Variants in NUDT17 observed in about 807,000 individuals in gnomAD.
NUDT17 encodes the protein nudix hydrolase 17, also known as m7GpppN-mRNA hydrolase NUDT17.
A neutral mutation model predicts 38.6 loss-of-function variants in NUDT17; 38 were observed. That is an observed-to-expected ratio of 0.98 (90% confidence interval 0.76 to 1.29). NUDT17 has a LOEUF of 1.29. Ranked by LOEUF, NUDT17 falls within the 50% of genes most tolerant of loss-of-function variation. The pLI is 0.00. For synonymous variants in NUDT17, 192 were observed against 167.8 expected, an observed-to-expected ratio of 1.14 and a Z score of -1.11; for missense variants, 462 against 415.2, an observed-to-expected ratio of 1.11 and a Z score of -0.98.
rs1345661004 is a variant in NUDT17, at chr1:145,847,702, C to G, written c.714C>G (p.Asp238Glu). 3.7e-6 allele frequency: 6 copies of G among 1,614,036 alleles called. No individual in the cohort carries two copies. The highest frequency in any genetic ancestry group is 1.3e-5 in the African/African-American group (1 of 74,910). The change falls in exon 6 of 8, where the codon GAC becomes GAG. Residue 238 changes from aspartate (D) to glutamate (E), a missense_variant. Coordinates refer to ENST00000334513, the MANE Select transcript of NUDT17 (RefSeq NM_001012758.3). Reference protein sequence around the residue: ...GTETPGLLPQDLPPSVLAVEL... With the variant: ...GTETPGLLPQELPPSVLAVEL... Reference sequence around the variant, plus strand: ...AGACACCCGGACTTCTCCCCCAGGACCTACCACCCTCTGTCCTGTAAGTAA... The same window carrying G: ...AGACACCCGGACTTCTCCCCCAGGAGCTACCACCCTCTGTCCTGTAAGTAA...
Position 145,848,138 on chromosome 1 carries a change from G to A in NUDT17, c.758G>A (p.Arg253Lys). ...VLAVELEEDG[R>K]ARPLVLHMST... is the part of the protein sequence containing the mutation. Reference sequence around the variant, plus strand: ...GCAGTGGAACTAGAGGAGGATGGAAGAGCCCGACCTCTGGTCCTGCACATG... The same window carrying A: ...GCAGTGGAACTAGAGGAGGATGGAAAAGCCCGACCTCTGGTCCTGCACATG... The change falls in exon 7 of 8, where the codon AGA becomes AAA. Residue 253 changes from arginine to lysine, a missense_variant. Arg to Lys is a conservative substitution (Grantham distance 26). Transcript: ENST00000334513. 1 of 1,613,914 alleles carries A rather than the reference G, an allele frequency of 6.2e-7. No homozygotes were observed.
chr1:145,847,194 T>TAAAA, intron 4 of NUDT17, 56 bp from the exon 5 acceptor site: 30 of 924,586 alleles, frequency 3.2e-5, no homozygotes, highest in Admixed American at 8.0e-5. Context: ...AACTCCATCT[T>TAAAA]AAAAAAAAAA....
In NUDT17 at chr1:145,846,073, C is replaced by G; in HGVS notation, c.253C>G (p.Leu85Val). Residue 85 changes from leucine (L) to valine (V), a missense_variant, in exon 2 of 8, where the codon CTG becomes GTG. Physicochemically the swap from Leu to Val is conservative, Grantham distance 32. Coordinates refer to ENST00000334513, the MANE Select transcript of NUDT17 (RefSeq NM_001012758.3). Reference sequence around the variant, plus strand: ...GCGGCCCAGGGTCCCTGGGGCTGAGCTGCCCACAGATCGAGGTGTGGACCT... The same window carrying G: ...GCGGCCCAGGGTCCCTGGGGCTGAGGTGCCCACAGATCGAGGTGTGGACCT... ...EERPRVPGAE[L>V]PTDRGVDLGV... The G allele has an allele frequency of 6.2e-7, 1 of 1,605,494 alleles. No homozygotes were observed. Among genetic ancestry groups the G allele is most frequent in the South Asian group, 1.1e-5 (1 of 89,338 alleles).
rs782322102 is a variant in NUDT17, at chr1:145,847,634, C to A, written c.646C>A (p.Pro216Thr). The change falls in exon 6 of 8, where the codon CCA (proline) becomes ACA (threonine). Residue 216 changes from proline to threonine, a missense_variant. Pro to Thr is a conservative substitution (Grantham distance 38). Transcript: ENST00000334513. ...GGTGAGCGCCCTTATGTGGCTGACA[C>A]CAGATGTAGCTGCTGCAGTGGCTGC... ...NEVSALMWLT[P>T]DVAAAVAAAE... The A allele has an allele frequency of 1.7e-5, 27 of 1,613,992 alleles. No homozygotes were observed. In the East Asian group the frequency reaches 6.0e-4, roughly 36 times the overall value.
rs1341979312 is a variant in NUDT17, at chr1:145,848,233, G to T, written c.853G>T (p.Ala285Ser). 2 of 1,614,080 alleles carry T rather than the reference G, an allele frequency of 1.2e-6. No homozygotes were observed. Among genetic ancestry groups the T allele is most frequent in the African/African-American group, 2.7e-5 (2 of 74,914 alleles). ...GAGAGTCAGCACTGGAACCAAGTTT[G>T]CCCTCAAGCTCTGGCTGCAACATCT... ...KERVSTGTKF[A>S]LKLWLQHLGR... Residue 285 changes from alanine to serine, a missense_variant, in exon 7 of 8, where the codon GCC (alanine) becomes TCC (serine). Transcript: ENST00000334513.
intron 5 of NUDT17, 24 bp from the exon 6 acceptor site, chr1:145,847,559 A>G: frequency 6.2e-7 from 1 of 1,611,182 alleles, no homozygotes; most frequent in Non-Finnish European, 8.5e-7. Context: ...GCAATGACTG[A>G]GGGGTCACCA....
In NUDT17 at chr1:145,848,127, G is replaced by A; in HGVS notation, c.747G>A (p.Glu249=). ...CACCATGCAGTGCAGTGGAACTAGA[G>A]GAGGATGGAAGAGCCCGACCTCTGG... is the stretch of plus-strand genomic sequence containing the variant. ...LPPSVLAVEL[E]EDGRARPLVL... Residue 249 remains glutamate (E), a synonymous_variant, in exon 7 of 8, where the codon GAG becomes GAA. Transcript: ENST00000334513. 1 of 1,613,712 alleles carries A rather than the reference G, an allele frequency of 6.2e-7. No individual in the cohort carries two copies. The highest frequency in any genetic ancestry group is 8.5e-7 in the Non-Finnish European group (1 of 1,179,948).
rs374333965 is a variant in NUDT17 at position 145,846,124 on chromosome 1, A to G, written c.304A>G (p.Ser102Gly). The change falls in exon 2 of 8, where the codon AGC becomes GGC. Residue 102 changes from serine to glycine, a missense_variant. By Grantham distance (56) the Ser-to-Gly change is moderately conservative (BLOSUM62 0). Coordinates refer to ENST00000334513, the MANE Select transcript of NUDT17 (RefSeq NM_001012758.3). ...DLGVAVILQS[S>G]DKTVLLTRRA... ...GGGTGTGGCCGTCATTCTGCAGTCC[A>G]GCGACAAGACTGTCTTGCTAACCCG... 1.9e-6 allele frequency: 3 copies of G among 1,601,130 alleles called. No individual in the cohort carries two copies. The highest frequency in any genetic ancestry group is 1.7e-5 in the Admixed American group (1 of 57,612).
intron 4 of NUDT17, 60 bp from the exon 5 acceptor site, chr1:145,847,189 CA>C: frequency 1.0e-6 from 1 of 999,652 alleles, no homozygotes; most frequent in Non-Finnish European, 1.5e-6. Context: ...AGCGAAACTC[CA>C]TCTTAAAAAA....
In NUDT17 at chr1:145,846,141, G is replaced by A; in HGVS notation, c.321G>A (p.Leu107=). ...VILQSSDKTV[L]LTRRARTLSV... ...TGCAGTCCAGCGACAAGACTGTCTT[G>A]CTAACCCGAAGGGCACGCACCCTGA... The change falls in exon 2 of 8, where the codon TTG becomes TTA. Residue 107 remains leucine (L), a synonymous_variant. Coordinates refer to ENST00000334513, the MANE Select transcript of NUDT17 (RefSeq NM_001012758.3). 1.3e-6 allele frequency: 2 copies of A among 1,598,948 alleles called. No individual in the cohort carries two copies. Among genetic ancestry groups the A allele is most frequent in the Non-Finnish European group, 8.5e-7 (1 of 1,173,138 alleles).
chr1:145,846,507 C>A (rs375748830), intron 3 of NUDT17, 49 bp downstream of exon 3: 73 of 1,607,060 alleles, frequency 4.5e-5, no homozygotes, highest in Non-Finnish European at 6.0e-5. Flanking sequence ...ATGCCTGGGA[C>A]CATCTTGGGT....
intron 7 of NUDT17, 28 bp from the exon 8 acceptor site, chr1:145,848,349 G>A (rs1652814057): frequency 6.2e-7 from 1 of 1,613,012 alleles, no homozygotes; most frequent in East Asian, 2.2e-5. Flanking sequence ...AGCAGGAAAG[G>A]ACAACCTCTC....
At chr1:145,848,048 A>G in intron 6 of NUDT17, 64 bp from the exon 7 acceptor site, 1 of 1,590,068 alleles carries the variant, frequency 6.3e-7, no homozygotes, top group Non-Finnish European at 8.6e-7. Context: ...TCGGGGACCT[A>G]ACATATATGT....
intron 5 of NUDT17, 96 bp downstream of exon 5, chr1:145,847,444 A>C: frequency 2.2e-6 from 3 of 1,365,830 alleles, no homozygotes; most frequent in Non-Finnish European, 3.1e-6. Flanking sequence ...TGGCGGGGGT[A>C]GTCAGAGATA....
At position 145,848,385 on chromosome 1, in the gene NUDT17, C is replaced by T. The variant is rs1283298115; in HGVS notation, c.893C>T (p.Pro298Leu). Residue 298 changes from proline to leucine, a missense_variant, in exon 8 of 8, where the codon CCA (proline) becomes CTA (leucine). By Grantham distance (98) the Pro-to-Leu change is moderately conservative. Transcript: ENST00000334513. ...TTGGAATTCCTCCACAGAACACCCC[C>T]ACCGTGTAAAAGTGCAGCTTACCTG... ...LWLQHLGRTP[P>L]PCKSAAYLDP... 1.9e-6 allele frequency: 3 copies of T among 1,613,456 alleles called. No individual in the cohort carries two copies. Among genetic ancestry groups the T allele is most frequent in the Non-Finnish European group, 2.5e-6 (3 of 1,179,618 alleles).
rs41299579 is a variant in NUDT17, at chr1:145,846,414, G to A, written c.377-19G>A. The A allele has an allele frequency of 0.011, 17,614 of 1,613,826 alleles. 141 individuals carry two copies. Among genetic ancestry groups the A allele is most frequent in the Non-Finnish European group, 0.013 (15,350 of 1,179,722 alleles). On this transcript the variant is annotated intron_variant, in intron 2 of 7. Coordinates refer to ENST00000334513, the MANE Select transcript of NUDT17 (RefSeq NM_001012758.3). ...CCAAGACCACCACCATTCACCTACTGGCCCCACTGTTGTTGCAGGTGGGCA... is the reference window on the plus strand; with the variant it reads ...CCAAGACCACCACCATTCACCTACTAGCCCCACTGTTGTTGCAGGTGGGCA...
intron 4 of NUDT17, 104 bp downstream of exon 4, chr1:145,846,794 TA>T: frequency 6.1e-6 from 5 of 817,382 alleles, no homozygotes; most frequent in African/African-American, 1.7e-5. Context: ...CCCAAATCCA[TA>T]ACCCTCACCC....
At chr1:145,847,431 G>C (rs782592062) in intron 5 of NUDT17, 83 bp downstream of exon 5, 32 of 1,330,932 alleles carry the variant, frequency 2.4e-5, no homozygotes, top group Non-Finnish European at 3.2e-5. Context: ...AGCTGGGCGG[G>C]GGTGGCGGGG....
intron 5 of NUDT17, 58 bp downstream of exon 5, chr1:145,847,406 C>A: frequency 8.7e-7 from 1 of 1,142,962 alleles, no homozygotes; most frequent in Non-Finnish European, 1.3e-6. Flanking sequence ...CAACCTGGTT[C>A]TGACTGTGAT....
Sources: allele counts gnomAD v4.1 joint callset, GRCh38; gene constraint gnomAD v4.1.1; transcripts MANE v1.5; gene names NCBI Gene and HGNC (gene_info 2026-07-23, HGNC 2026-07-21).